VWF: variants seen among roughly 807,000 people sequenced by gnomAD.
VWF encodes the protein Factor VIII related antigen.
Under a neutral mutation model 308.6 loss-of-function variants are expected in VWF, and 176 were observed. The ratio of observed to expected loss-of-function variants is 0.57; its 90% CI spans 0.50 to 0.65. The LOEUF (loss-of-function observed/expected upper bound fraction) is 0.65. Ranked by LOEUF, VWF falls within the 30% of genes least tolerant of loss-of-function variation. The pLI, the probability that VWF is intolerant of heterozygous loss-of-function variation, is 0.00. For synonymous variants in VWF, 1,385 were observed against 1,443.4 expected (o/e 0.96, Z 0.92); for missense variants, 3,146 against 3,648.2 (o/e 0.86, Z 3.55).
intron 18 of VWF, among the ~76,000 whole-genome samples, chr12:6,042,699 G>A (rs1387485977): frequency 2.6e-5 from 4 of 152,200 alleles, no homozygotes; most frequent in Admixed American, 2.6e-4. Flanking sequence ...AATGAAATGA[G>A]CGCCTAACAG....
At chr12:6,123,685 A>C (rs1184553874) in intron 1 of VWF, among the ~76,000 whole-genome samples, 1 of 152,198 alleles carries the variant, frequency 6.6e-6, no homozygotes, top group Non-Finnish European at 1.5e-5. Context: ...CTGTACCACA[A>C]GTGCCTTCAC....
chr12:6,064,850 A>C (rs774028293), intron 11 of VWF, among the ~76,000 whole-genome samples: 28 of 152,158 alleles, frequency 1.8e-4, no homozygotes, highest in Admixed American at 5.9e-4. Context: ...AGGGTTAGTT[A>C]TGGGGGCAAC....
intron 10 of VWF, among the ~76,000 whole-genome samples, chr12:6,067,995 T>A (rs1944736821): frequency 6.6e-6 from 1 of 151,060 alleles, no homozygotes; most frequent in African/African-American, 2.4e-5. Flanking sequence ...ATTAGCCGGG[T>A]GTGGTGGCAG....
intron 35 of VWF, among the ~76,000 whole-genome samples, chr12:5,995,669 G>T (rs1167039314): frequency 6.6e-6 from 1 of 152,170 alleles, no homozygotes; most frequent in Admixed American, 6.6e-5. Context: ...AGCTTACAGG[G>T]TTTAGGCATT....
chr12:6,054,269 C>T (rs1356556711), intron 15 of VWF, among the ~76,000 whole-genome samples: 1 of 152,158 alleles, frequency 6.6e-6, no homozygotes, highest in Non-Finnish European at 1.5e-5. Context: ...CCTCTTTAAT[C>T]CTATTAGACA....
chr12:5,966,689 C>T (rs1943408914), intron 47 of VWF, among the ~76,000 whole-genome samples: 1 of 151,776 alleles, frequency 6.6e-6, no homozygotes, highest in South Asian at 2.1e-4. Flanking sequence ...GGGAGACAAG[C>T]ACTTCCCTGT....
intron 5 of VWF, among the ~76,000 whole-genome samples, chr12:6,102,679 G>A (rs1416766465): frequency 6.6e-6 from 1 of 151,840 alleles, no homozygotes; most frequent in Non-Finnish European, 1.5e-5. Flanking sequence ...ACCTTGCAGT[G>A]AGCCGAGATT....
chr12:5,971,844 CA>C, intron 43 of VWF, 135 bp from the exon 44 acceptor site: 2 of 784,606 alleles, frequency 2.5e-6, no homozygotes, highest in East Asian at 5.3e-5. Flanking sequence ...TCTTTGTTGT[CA>C]ACCAGCCTCA....
At chr12:6,068,647 TTTTTTG>T (rs1212910076) in intron 10 of VWF, among the ~76,000 whole-genome samples, 4 of 151,180 alleles carry the variant, frequency 2.6e-5, no homozygotes, top group African/African-American at 7.3e-5. Context: ...TTTCTGTGGG[TTTTTTG>T]TTTTTGTTTT....
At position 6,075,576 on chromosome 12, in the gene VWF, C is replaced by A; in HGVS notation, c.658-25G>T. The A allele has an allele frequency of 6.2e-7, 1 of 1,603,232 alleles. No homozygotes were observed. Among genetic ancestry groups the A allele is most frequent in the Middle Eastern group, 1.7e-4 (1 of 6,038 alleles). ...CCTGCAGGAAGAGGGGCCGCCTCAG[C>A]GGTATGCTCCGTTAGTGTCTCCCTG... On this transcript the variant is annotated intron_variant, in intron 6 of 51. Transcript: ENST00000261405. This position sits in a 1 kb window ranked among gnomAD's most constrained non-coding sequence, Gnocchi z 4.7.
At chr12:5,953,686 TC>T in intron 47 of VWF, 92 bp from the exon 48 acceptor site, 1 of 1,057,974 alleles carries the variant, frequency 9.5e-7, no homozygotes, top group Non-Finnish European at 1.5e-6. Flanking sequence ...CTCATCTCTC[TC>T]ATCCAGTAGT....
chr12:5,963,346 A>G (rs1366161885), intron 47 of VWF, among the ~76,000 whole-genome samples: 1 of 152,256 alleles, frequency 6.6e-6, no homozygotes, highest in Non-Finnish European at 1.5e-5. Flanking sequence ...TGATATGGCC[A>G]ATAAGTATGT....
At chr12:6,101,626 A>C (rs1012046718) in intron 5 of VWF, among the ~76,000 whole-genome samples, 1 of 152,004 alleles carries the variant, frequency 6.6e-6, no homozygotes, top group Non-Finnish European at 1.5e-5. Context: ...AATACAAAAA[A>C]TTAGCCAGGC....
At chr12:6,011,971 A>G (rs1274797085) in intron 33 of VWF, 116 bp downstream of exon 33, 1 of 1,412,248 alleles carries the variant, frequency 7.1e-7, no homozygotes, top group South Asian at 1.2e-5. Context: ...CAAAAACAAG[A>G]TAATAGTAAA....
At chr12:6,017,849 G>A (rs1215068374) in intron 28 of VWF, among the ~76,000 whole-genome samples, 2 of 152,104 alleles carry the variant, frequency 1.3e-5, no homozygotes, top group South Asian at 4.2e-4. Context: ...TTCAAACTAA[G>A]GCAGTCTGAC....
At chr12:6,034,659 C>T in intron 20 of VWF, 29 bp downstream of exon 20, 1 of 1,613,616 alleles carries the variant, frequency 6.2e-7, no homozygotes, top group Non-Finnish European at 8.5e-7. Context: ...AAAGAAACAG[C>T]ACCCTCTCCC....
In VWF at chr12:5,952,502, C is replaced by G; in HGVS notation, c.8004G>C (p.Gln2668His). ...TGCAGAAGTGAGTATCACAGCCATC[C>G]TGGAGCGTCTCATCACGCTGGAAGG... is the stretch of plus-strand genomic sequence containing the variant. ...IMTLKRDETLQDGCDTHFCKV... is the reference protein window; with the variant it reads ...IMTLKRDETLHDGCDTHFCKV... Residue 2668 changes from glutamine to histidine, a missense_variant, in exon 49 of 52, where the codon CAG (glutamine) becomes CAC (histidine). Gln to His is a conservative substitution (Grantham distance 24, BLOSUM62 0). Around this residue, in one of 3 missense-constraint regions of VWF, gnomAD observed 989 missense variants for 1,117.4 expected, o/e 0.89. Transcript: ENST00000261405. 11 of 1,613,974 alleles carry G rather than the reference C, an allele frequency of 6.8e-6. No homozygotes were observed. The highest frequency in any genetic ancestry group is 9.3e-6 in the Non-Finnish European group (11 of 1,179,922).
In VWF at chr12:6,073,599, T is replaced by C; in HGVS notation, c.997+20A>G. The stretch of plus-strand genomic sequence containing the variant: ...GCTGGCAAGGTCTCTGATCTGTAAA[T>C]AAAGTGGGAAGTTCATTACCAGGGC... On this transcript the variant is annotated intron_variant, in intron 8 of 51. Transcript: ENST00000261405. The C allele has an allele frequency of 1.2e-6, 2 of 1,613,832 alleles. No individual in the cohort carries two copies. The highest frequency in any genetic ancestry group is 1.7e-6 in the Non-Finnish European group (2 of 1,180,016).
At chr12:6,077,759 T>C (rs958729509) in intron 6 of VWF, among the ~76,000 whole-genome samples, 2 of 152,266 alleles carry the variant, frequency 1.3e-5, no homozygotes, top group South Asian at 2.1e-4. Context: ...CAGCCTTCCA[T>C]TGGTCACCCT....
Sources: gnomAD v4.1 joint callset for allele counts (sites outside exome capture counted in the v4.1 genomes callset) on GRCh38, gnomAD v4.1.1 for gene constraint, gnomAD v4.1.1 regional missense constraint, Gnocchi (gnomAD v3.1) non-coding constraint, MANE v1.5 for transcripts, NCBI Gene and HGNC (gene_info 2026-07-23, HGNC 2026-07-21) for gene names.